Variants in MCTP2 observed in about 807,000 individuals in gnomAD.
MCTP2 encodes the protein multiple C2 and transmembrane domain containing 2, also known as multiple C2 and transmembrane domain-containing protein 2.
A neutral mutation model predicts 111.6 loss-of-function variants in MCTP2; 132 were observed. The ratio of observed to expected loss-of-function variants is 1.18; its 90% CI spans 1.03 to 1.37. The LOEUF is 1.37. Among genes scored for constraint, MCTP2 ranks in the 40% most tolerant of loss-of-function variants. The pLI is 0.00. For synonymous variants in MCTP2, 395 were observed against 387.7 expected (o/e 1.02, Z -0.22); for missense variants, 1,183 against 1,067.9 (o/e 1.11, Z -1.50).
Position 94,470,353 on chromosome 15 carries a change from C to A in MCTP2, c.2381C>A (p.Pro794His), listed in dbSNP as rs1371848478. Reference protein sequence around the residue: ...RIKNTFNWTVPFLSSLACLIL... With the variant: ...RIKNTFNWTVHFLSSLACLIL... ...TACAGCACATTTAACTGGACGGTCC[C>A]CTTCCTTTCATCTCTGGCCTGTTTG... The change falls in exon 21 of 23, where the codon CCC becomes CAC. Residue 794 changes from proline (P) to histidine (H), a missense_variant. Transcript: ENST00000357742. The A allele has an allele frequency of 1.9e-6, 3 of 1,562,032 alleles. No individual in the cohort carries two copies. The South Asian group carries it at 3.3e-5, about 17-fold the overall frequency.
intron 1 of MCTP2, among the ~76,000 whole-genome samples, chr15:94,271,163 C>G (rs988863092): frequency 6.6e-6 from 1 of 152,142 alleles, no homozygotes; most frequent in Non-Finnish European, 1.5e-5. Context: ...GTTATCCTTT[C>G]TACTAGTTAC....
At chr15:94,363,072 CAG>C (rs532333102) in intron 10 of MCTP2, among the ~76,000 whole-genome samples, 2 of 152,126 alleles carry the variant, frequency 1.3e-5, no homozygotes, top group Admixed American at 1.3e-4. Context: ...GGGGAAGAAA[CAG>C]AGGCTGCAAA....
chr15:94,236,446 G>A (rs771256663), intron 1 of MCTP2, among the ~76,000 whole-genome samples: 2 of 118,152 alleles, frequency 1.7e-5, no homozygotes, highest in Non-Finnish European at 3.2e-5. Context: ...GAGTAAGAAT[G>A]TACAGATAGT....
intron 14 of MCTP2, among the ~76,000 whole-genome samples, chr15:94,386,098 T>C (rs373957197): frequency 3.3e-5 from 5 of 152,002 alleles, no homozygotes; most frequent in Non-Finnish European, 5.9e-5. Context: ...TATAAGATAA[T>C]GCACCAGGGT....
chr15:94,372,043 C>G (rs938724982), intron 12 of MCTP2, among the ~76,000 whole-genome samples: 1 of 152,118 alleles, frequency 6.6e-6, no homozygotes, highest in African/African-American at 2.4e-5. Flanking sequence ...AAGACCCTCT[C>G]TATGGAAGAA....
At chr15:94,350,926 T>C (rs1196596331) in intron 8 of MCTP2, among the ~76,000 whole-genome samples, 2 of 152,170 alleles carry the variant, frequency 1.3e-5, no homozygotes, top group African/African-American at 4.8e-5. Context: ...AGCATTTCGC[T>C]GGTCCTAAAA....
At chr15:94,282,376 G>T (rs912555071) in intron 1 of MCTP2, among the ~76,000 whole-genome samples, 1 of 152,162 alleles carries the variant, frequency 6.6e-6, no homozygotes, top group African/African-American at 2.4e-5. Context: ...TCTGTCATGA[G>T]TGATTCATTT....
intron 17 of MCTP2, among the ~76,000 whole-genome samples, chr15:94,412,520 A>G (rs999098582): frequency 2.0e-5 from 3 of 152,170 alleles, no homozygotes; most frequent in Non-Finnish European, 2.9e-5. Flanking sequence ...GATGATCACA[A>G]TGATGACAAG....
intron 19 of MCTP2, among the ~76,000 whole-genome samples, chr15:94,443,592 G>C (rs918096153): frequency 6.6e-6 from 1 of 152,186 alleles, no homozygotes; most frequent in South Asian, 2.1e-4. Context: ...TAGGAAGCTT[G>C]TGCAGAGGAA....
Position 94,293,665 on chromosome 15 carries a change from C to T in MCTP2, c.-65-4536C>T, listed in dbSNP as rs115206328. 3.1e-3 allele frequency among the ~76,000 whole-genome samples: 476 copies of T among 152,258 alleles called. 5 individuals are homozygous for T. The highest frequency in any genetic ancestry group is 0.011 in the African/African-American group (441 of 41,554). On this transcript the variant is annotated intron_variant, in intron 1 of 22. Coordinates refer to ENST00000357742, the MANE Select transcript of MCTP2 (RefSeq NM_001385001.1). ...CTCATACACATACCTATTAGAATGG[C>T]TATGCACATACCTATTAGAATGGCT...
At chr15:94,464,269 A>ATATAT (rs2085453176) in intron 20 of MCTP2, among the ~76,000 whole-genome samples, 1 of 61,502 alleles carries the variant, frequency 1.6e-5, no homozygotes, top group African/African-American at 5.6e-5. Context: ...ATATATATAT[A>ATATAT]TATATATATA....
rs61737195 is a variant in MCTP2, at chr15:94,298,462, G to T, written c.197G>T (p.Arg66Leu). 103 of 1,613,840 alleles carry T rather than the reference G, an allele frequency of 6.4e-5. No individual in the cohort carries two copies. Among genetic ancestry groups the T allele is most frequent in the Non-Finnish European group, 8.1e-5 (96 of 1,179,956 alleles). ...LEAEALAPEG[R>L]PYSGPQSSYT... is the part of the protein sequence containing the mutation. ...GCTGAGGCCTTGGCCCCAGAGGGCC[G>T]GCCTTACTCCGGGCCACAGTCTTCC... The change falls in exon 2 of 23, where the codon CGG (arginine) becomes CTG (leucine). Residue 66 changes from arginine (R) to leucine (L), a missense_variant. By Grantham distance (102) the Arg-to-Leu change is moderately radical. Coordinates refer to ENST00000357742, the MANE Select transcript of MCTP2 (RefSeq NM_001385001.1).
intron 8 of MCTP2, among the ~76,000 whole-genome samples, chr15:94,353,215 A>C (rs1283407588): frequency 2.6e-5 from 4 of 152,182 alleles, no homozygotes; most frequent in Non-Finnish European, 5.9e-5. Flanking sequence ...GCTTTGATGG[A>C]AAGTGGATAT....
At chr15:94,289,248 G>A (rs1267742359) in intron 1 of MCTP2, among the ~76,000 whole-genome samples, 1 of 152,166 alleles carries the variant, frequency 6.6e-6, no homozygotes, top group Non-Finnish European at 1.5e-5. Flanking sequence ...AATGATAACT[G>A]ATATATGGAA....
chr15:94,280,077 A>G (rs1190947753), intron 1 of MCTP2, among the ~76,000 whole-genome samples: 4 of 152,016 alleles, frequency 2.6e-5, no homozygotes, highest in African/African-American at 7.2e-5. Flanking sequence ...TGTGCCAGGT[A>G]TTGATATCAG....
chr15:94,368,857 C>G (rs745805230), intron 11 of MCTP2, among the ~76,000 whole-genome samples: 2 of 152,178 alleles, frequency 1.3e-5, no homozygotes, highest in Non-Finnish European at 2.9e-5. Flanking sequence ...ATCATAATGC[C>G]TGCTTTGAAT....
At chr15:94,237,874 AT>A (rs1432472195) in intron 1 of MCTP2, among the ~76,000 whole-genome samples, 1 of 152,018 alleles carries the variant, frequency 6.6e-6, no homozygotes, top group Non-Finnish European at 1.5e-5. Flanking sequence ...TAACCTGAAC[AT>A]TTCCTTTCTA....
At chr15:94,260,895 A>G (rs1186712176) in intron 1 of MCTP2, among the ~76,000 whole-genome samples, 2 of 152,262 alleles carry the variant, frequency 1.3e-5, no homozygotes, top group Non-Finnish European at 2.9e-5. Context: ...AAAGAACAGT[A>G]ATAGAACAGT....
chr15:94,466,636 G>A (rs549990463), intron 20 of MCTP2, among the ~76,000 whole-genome samples: 47 of 152,000 alleles, frequency 3.1e-4, no homozygotes, highest in African/African-American at 9.9e-4. Context: ...GCTTCCCCTC[G>A]TGCCCCCAAT....
Sources: gnomAD v4.1 joint callset for allele counts (sites outside exome capture counted in the v4.1 genomes callset) on GRCh38, gnomAD v4.1.1 for gene constraint, MANE v1.5 for transcripts, NCBI Gene and HGNC (gene_info 2026-07-23, HGNC 2026-07-21) for gene names.